The following SAG variants were observed in gnomAD, a reference collection of about 807,000 sequenced individuals.
SAG encodes S-antigen visual arrestin.
Under a neutral mutation model 55.0 loss-of-function variants are expected in SAG, and 45 were observed. The observed-to-expected ratio is 0.82, with a 90% confidence interval of 0.64 to 1.05. SAG has a LOEUF of 1.05. Among genes scored for constraint, SAG ranks in the 50% least tolerant of loss-of-function variants. The pLI is 0.00. For missense variants in SAG, 455 were observed against 512.1 expected (o/e 0.89, Z 1.08); for synonymous variants, 189 against 197.4 (o/e 0.96, Z 0.36).
intron 6 of SAG, among the ~76,000 whole-genome samples, chr2:233,324,467 G>A (rs1559440858): frequency 6.6e-6 from 1 of 152,200 alleles, no homozygotes; most frequent in Non-Finnish European, 1.5e-5. Context: ...GCCAGATCAT[G>A]AAGGGCCTTG....
Position 233,340,551 on chromosome 2 carries a change from G to A in SAG, c.1046+73G>A, listed in dbSNP as rs117904618. The A allele has an allele frequency of 8.1e-4, 977 of 1,211,488 alleles. 7 individuals are homozygous for A. In the East Asian group the frequency reaches 0.019, roughly 24 times the overall value. The allele number at this position is 1,211,488 out of a possible 1,614,324, so 75.0% of individuals were successfully genotyped here. On this transcript the variant is annotated intron_variant, in intron 13 of 15. Transcript: ENST00000409110. The surrounding 1 kb of genome is among the most constrained non-coding windows in gnomAD (Gnocchi z 4.2). ...GGCAGCAAACTTGGGGCTCCAAAAC[G>A]GTTTCTGATGAAAGCTGCTTTCTGG... is the stretch of plus-strand genomic sequence containing the variant.
At chr2:233,318,957 C>A in intron 4 of SAG, 162 bp downstream of exon 4, 1 of 744,322 alleles carries the variant, frequency 1.3e-6, no homozygotes, top group Non-Finnish European at 2.5e-6. Context: ...CACTCCTGTA[C>A]CTAATTCACG....
chr2:233,311,482 C>T (rs577373874), intron 2 of SAG, among the ~76,000 whole-genome samples: 95 of 152,330 alleles, frequency 6.2e-4, no homozygotes, highest in African/African-American at 2.0e-3. Context: ...CGTAGTGAAT[C>T]AGGCCAATCA....
rs745498 is a variant in SAG at position 233,329,608 on chromosome 2, T to G, written c.733+31T>G. The G allele has an allele frequency of 0.72, 1,028,523 of 1,424,664 alleles. 374,493 individuals carry two copies. The highest frequency in any genetic ancestry group is 0.84 in the African/African-American group (60,271 of 71,402). The allele number at this position is 1,424,664 out of a possible 1,614,324, so 88.3% of individuals were successfully genotyped here. On this transcript the variant is annotated intron_variant, in intron 9 of 15. Transcript: ENST00000409110. The stretch of plus-strand genomic sequence containing the variant: ...ACCTTCTTCTCAGAAGTAGAGGGCA[T>G]AGTCTTCTAGAATTTCTGATCCTGT...
chr2:233,342,543 C>T, intron 14 of SAG: 1 of 576,972 alleles, frequency 1.7e-6, no homozygotes, highest in Non-Finnish European at 3.1e-6. Flanking sequence ...CTGGAGTCTG[C>T]AAGATGTAGC....
intron 4 of SAG, 140 bp downstream of exon 4, chr2:233,318,935 C>T: frequency 1.3e-6 from 1 of 775,068 alleles, no homozygotes; most frequent in Non-Finnish European, 2.4e-6. Context: ...CAGTGCCAGG[C>T]CCACTGACCC....
intron 7 of SAG, 33 bp downstream of exon 7, chr2:233,327,230 C>T (rs1700589602): frequency 6.4e-7 from 1 of 1,562,814 alleles, no homozygotes; most frequent in African/African-American, 1.4e-5. Flanking sequence ...GGTGAGGGGT[C>T]TGCGGTGGGG....
chr2:233,312,962 A>T (rs563918601), intron 2 of SAG, among the ~76,000 whole-genome samples: 1 of 152,218 alleles, frequency 6.6e-6, no homozygotes, highest in South Asian at 2.1e-4. Flanking sequence ...GACCAAGGGG[A>T]TGTCTTCTTC....
intron 3 of SAG, among the ~76,000 whole-genome samples, chr2:233,317,976 AT>A (rs1386077349): frequency 1.3e-5 from 2 of 151,796 alleles, no homozygotes; most frequent in Admixed American, 6.6e-5. Context: ...CTGGAAAAAA[AT>A]TTTTTTTGTC....
chr2:233,346,774 G>T, intron 15 of SAG, 33 bp from the exon 16 acceptor site: 1 of 1,342,758 alleles, frequency 7.4e-7, no homozygotes, highest in Non-Finnish European at 1.1e-6. Context: ...CAAAGGGCGT[G>T]CAATGATCAA....
At position 233,317,206 on chromosome 2, in the gene SAG, C is replaced by T. The variant is rs1406199983; in HGVS notation, c.136+1071C>T. The stretch of plus-strand genomic sequence containing the variant: ...AACACATACTTACCATATGACCCAA[C>T]AGTTGCATCCCGGGCACTTATCTCA... On this transcript the variant is annotated intron_variant, in intron 3 of 15. Transcript: ENST00000409110. Among the ~76,000 whole-genome samples the T allele has an allele frequency of 2.0e-5, 3 of 152,224 alleles. No homozygotes were observed. The East Asian group carries it at 5.8e-4, about 29-fold the overall frequency.
intron 2 of SAG, among the ~76,000 whole-genome samples, chr2:233,314,643 G>A (rs577562361): frequency 1.3e-5 from 2 of 152,350 alleles, no homozygotes; most frequent in South Asian, 4.1e-4. Context: ...CACCACCCAG[G>A]CTAGTGAGGC....
chr2:233,335,112 G>A lies in SAG; in HGVS notation c.944+13G>A. Reference sequence around the variant, plus strand: ...CCTCCAGCACCATGTGAGTCCTCGAGGCTCAGGGAATAAGCCCTGGCAGGG... The same window carrying A: ...CCTCCAGCACCATGTGAGTCCTCGAAGCTCAGGGAATAAGCCCTGGCAGGG... On this transcript the variant is annotated intron_variant, in intron 11 of 15. Coordinates refer to ENST00000409110, the MANE Select transcript of SAG (RefSeq NM_000541.5). 1 of 1,605,504 alleles carries A rather than the reference G, an allele frequency of 6.2e-7. No homozygotes were observed. The highest frequency in any genetic ancestry group is 8.5e-7 in the Non-Finnish European group (1 of 1,173,282).
chr2:233,314,130 G>A (rs1700154173), intron 2 of SAG, among the ~76,000 whole-genome samples: 1 of 151,750 alleles, frequency 6.6e-6, no homozygotes, highest in African/African-American at 2.4e-5. Context: ...GCTGAGGTGA[G>A]AGGATCACTT....
rs563673542 is a variant in SAG, at chr2:233,318,693, G to A, written c.137-58G>A. The A allele has an allele frequency of 2.9e-6, 4 of 1,399,228 alleles. No homozygotes were observed. The African/African-American group carries it at 5.7e-5, about 20-fold the overall frequency. 86.7% of individuals were successfully genotyped at this position (1,399,228 alleles called of 1,614,324 possible). On this transcript the variant is annotated intron_variant, in intron 3 of 15. Transcript: ENST00000409110. Reference sequence around the variant, plus strand: ...AAAAACATGCGCAGTTTTTAAAGTAGGTGTCTGGTTTCTTTCATCTTCTCC... The same window carrying A: ...AAAAACATGCGCAGTTTTTAAAGTAAGTGTCTGGTTTCTTTCATCTTCTCC...
intron 14 of SAG, chr2:233,343,608 C>A: frequency 9.2e-7 from 1 of 1,088,634 alleles, no homozygotes; most frequent in Non-Finnish European, 1.2e-6. Context: ...AATTTGATCT[C>A]AATCATTCTC....
At chr2:233,309,293 T>C (rs1700013893) in intron 2 of SAG, 29 bp downstream of exon 2, 4 of 1,576,928 alleles carry the variant, frequency 2.5e-6, no homozygotes, top group Non-Finnish European at 2.6e-6. Context: ...AGTGATTTGA[T>C]AGAAATTATT....
intron 2 of SAG, among the ~76,000 whole-genome samples, chr2:233,310,727 G>A (rs1392073676): frequency 8.6e-5 from 13 of 151,988 alleles, no homozygotes; most frequent in Middle Eastern, 6.8e-3. Context: ...AGCTGGTCTC[G>A]AACTCCTGAC....
At chr2:233,342,378 T>A in intron 14 of SAG, 52 bp downstream of exon 14, 1 of 1,379,306 alleles carries the variant, frequency 7.3e-7, no homozygotes, top group Non-Finnish European at 1.0e-6. Context: ...CTTGCAGATT[T>A]ATTGTTGATG....
Sources: allele counts gnomAD v4.1 joint callset (sites outside exome capture counted in the v4.1 genomes callset), GRCh38; gene constraint gnomAD v4.1.1; non-coding constraint Gnocchi (gnomAD v3.1); transcripts MANE v1.5; gene names NCBI Gene and HGNC (gene_info 2026-07-23, HGNC 2026-07-21).